Variants in GABRG3 observed in about 807,000 individuals in gnomAD.
The protein encoded by GABRG3 is gamma-aminobutyric acid type A receptor subunit gamma3, also known as gamma-aminobutyric acid receptor subunit gamma-3.
Under a neutral mutation model 48.8 loss-of-function variants are expected in GABRG3, and 25 were observed. That is an observed-to-expected ratio of 0.51 (90% CI 0.37 to 0.72). GABRG3 has a LOEUF of 0.72. Ranked by LOEUF, GABRG3 falls within the 30% of genes least tolerant of loss-of-function variation. The pLI is 0.00. For synonymous variants in GABRG3, 227 were observed against 217.6 expected, an observed-to-expected ratio of 1.04 and a Z score of -0.38; for missense variants, 394 against 577.9, an observed-to-expected ratio of 0.68 and a Z score of 3.26.
chr15:27,377,918 G>T (rs1278706503), intron 5 of GABRG3, among the ~76,000 whole-genome samples: 1 of 152,078 alleles, frequency 6.6e-6, no homozygotes, highest in African/African-American at 2.4e-5. Flanking sequence ...TGAGGCTTTT[G>T]TGCTAGAACA....
intron 2 of GABRG3, among the ~76,000 whole-genome samples, chr15:26,981,189 C>A (rs1214561060): frequency 2.6e-5 from 4 of 152,148 alleles, no homozygotes; most frequent in African/African-American, 9.7e-5. Context: ...GGGAGATTAA[C>A]CATTGTGTTT....
intron 5 of GABRG3, among the ~76,000 whole-genome samples, chr15:27,427,202 G>T (rs897561862): frequency 6.6e-6 from 1 of 152,088 alleles, no homozygotes; most frequent in Non-Finnish European, 1.5e-5. Flanking sequence ...AATATTTAAT[G>T]TGCAATAATT....
intron 5 of GABRG3, among the ~76,000 whole-genome samples, chr15:27,443,240 A>AG (rs1888843519): frequency 6.6e-6 from 1 of 152,218 alleles, no homozygotes; most frequent in Admixed American, 6.5e-5. Context: ...CTTCAAGCCA[A>AG]GGGGAGAGGC....
At chr15:27,258,172 G>A (rs1425056676) in intron 3 of GABRG3, among the ~76,000 whole-genome samples, 3 of 152,098 alleles carry the variant, frequency 2.0e-5, no homozygotes, top group African/African-American at 7.2e-5. Context: ...CAGCCTAAGT[G>A]GGGAGGTGAC....
chr15:27,335,536 G>A (rs1418344941), intron 5 of GABRG3, among the ~76,000 whole-genome samples: 1 of 152,162 alleles, frequency 6.6e-6, no homozygotes, highest in African/African-American at 2.4e-5. Context: ...TCAGATGCAT[G>A]CTATGCCTTT....
intron 3 of GABRG3, among the ~76,000 whole-genome samples, chr15:27,070,313 G>A (rs1896806933): frequency 6.6e-6 from 1 of 152,222 alleles, no homozygotes; most frequent in African/African-American, 2.4e-5. Flanking sequence ...CCCAGGAACT[G>A]TTCTGGAACA....
chr15:27,364,026 C>G (rs1436354365), intron 5 of GABRG3: 1 of 152,146 alleles, frequency 6.6e-6, no homozygotes, highest in Admixed American at 6.5e-5. Context: ...GAGCAGGACG[C>G]TGATGTTTGT....
chr15:27,225,730 G>A (rs939319318), intron 3 of GABRG3, among the ~76,000 whole-genome samples: 1 of 152,084 alleles, frequency 6.6e-6, no homozygotes, highest in Non-Finnish European at 1.5e-5. Context: ...AAAGTTGGCA[G>A]CTGCCCTCTA....
chr15:27,247,140 A>G lies in GABRG3; in HGVS notation c.271-79669A>G, dbSNP rs186987841. The stretch of plus-strand genomic sequence containing the variant: ...TTGTATGTAGAGATGGTATCTCACT[A>G]TGTTCCCCAGGCTGGTCTCAAACTC... On this transcript the variant is annotated intron_variant, in intron 3 of 9. Transcript: ENST00000615808. Among the ~76,000 whole-genome samples the G allele has an allele frequency of 5.5e-4, 84 of 152,150 alleles. No homozygotes were observed. In the Middle Eastern group the frequency reaches 0.01, roughly 19 times the overall value.
intron 3 of GABRG3, among the ~76,000 whole-genome samples, chr15:27,216,739 T>TTTTTTA (rs1566968394): frequency 7.6e-6 from 1 of 131,630 alleles, no homozygotes; most frequent in African/African-American, 3.1e-5. Flanking sequence ...ATTTCTTTTT[T>TTTTTTA]TTTTTTTATT....
intron 2 of GABRG3, among the ~76,000 whole-genome samples, chr15:26,982,996 T>C (rs1895081825): frequency 6.6e-6 from 1 of 152,054 alleles, no homozygotes; most frequent in African/African-American, 2.4e-5. Context: ...CCCAGCAACT[T>C]GATGATATTC....
At chr15:27,423,333 A>G (rs1268861411) in intron 5 of GABRG3, among the ~76,000 whole-genome samples, 2 of 151,314 alleles carry the variant, frequency 1.3e-5, no homozygotes, top group African/African-American at 4.9e-5. Flanking sequence ...CCTTAAAGAC[A>G]CACAAATACA....
intron 5 of GABRG3, among the ~76,000 whole-genome samples, chr15:27,354,515 C>T (rs543537747): frequency 1.2e-4 from 19 of 152,174 alleles, no homozygotes; most frequent in Non-Finnish European, 2.5e-4. Flanking sequence ...GGTGGCACTG[C>T]CTGTGTGTGG....
chr15:27,107,236 A>G (rs960656716), intron 3 of GABRG3, among the ~76,000 whole-genome samples: 9 of 152,074 alleles, frequency 5.9e-5, no homozygotes, highest in African/African-American at 2.2e-4. Flanking sequence ...GTTTCCCTGT[A>G]TTTCTGGTTC....
At chr15:27,176,490 TG>T (rs1330882195) in intron 3 of GABRG3, among the ~76,000 whole-genome samples, 1 of 152,208 alleles carries the variant, frequency 6.6e-6, no homozygotes, top group East Asian at 1.9e-4. Flanking sequence ...TAATGAATCA[TG>T]ATAATAAAAC....
intron 3 of GABRG3, among the ~76,000 whole-genome samples, chr15:27,075,297 A>C (rs1379497087): frequency 6.6e-6 from 1 of 152,206 alleles, no homozygotes; most frequent in African/African-American, 2.4e-5. Context: ...TTTTTAAACA[A>C]AGACATTTTA....
At chr15:27,046,551 G>T (rs1307811220) in intron 3 of GABRG3, among the ~76,000 whole-genome samples, 4 of 152,204 alleles carry the variant, frequency 2.6e-5, no homozygotes, top group Non-Finnish European at 4.4e-5. Flanking sequence ...AGTGCTGTGC[G>T]CATCCCTTAC....
intron 5 of GABRG3, among the ~76,000 whole-genome samples, chr15:27,360,755 C>T (rs1176472009): frequency 6.6e-6 from 1 of 152,170 alleles, no homozygotes; most frequent in East Asian, 1.9e-4. Context: ...GCAAAGATGA[C>T]CCTGGGAAGC....
intron 5 of GABRG3, among the ~76,000 whole-genome samples, chr15:27,355,557 T>G (rs960051207): frequency 2.6e-5 from 4 of 152,236 alleles, no homozygotes; most frequent in Non-Finnish European, 5.9e-5. Flanking sequence ...GAAAACAGTT[T>G]GGCAGTTCCT....
Sources: gnomAD v4.1 joint callset for allele counts (sites outside exome capture counted in the v4.1 genomes callset) on GRCh38, gnomAD v4.1.1 for gene constraint, MANE v1.5 for transcripts, NCBI Gene and HGNC (gene_info 2026-07-23, HGNC 2026-07-21) for gene names.